The following ZBTB46 variants were observed in gnomAD, a reference collection of about 807,000 sequenced individuals.
ZBTB46 encodes the protein zinc finger and BTB domain containing 46.
Under a neutral mutation model 44.1 loss-of-function variants are expected in ZBTB46, and 8 were observed. That is an observed-to-expected ratio of 0.18 (90% CI 0.11 to 0.33). The LOEUF is 0.33. ZBTB46 is among the 10% of genes least tolerant of loss of function. ZBTB46 has a pLI of 1.00. For missense variants in ZBTB46, 651 were observed against 847.7 expected, an observed-to-expected ratio of 0.77 and a Z score of 2.88; for synonymous variants, 409 against 382.3, an observed-to-expected ratio of 1.07 and a Z score of -0.81.
intron 3 of ZBTB46, among the ~76,000 whole-genome samples, chr20:63,757,416 C>A (rs1454497053): frequency 1.3e-5 from 2 of 152,188 alleles, no homozygotes; most frequent in Non-Finnish European, 2.9e-5. Context: ...AGCCATCGCG[C>A]CTGGCCACGA....
At chr20:63,761,512 G>A (rs1031950957) in intron 3 of ZBTB46, among the ~76,000 whole-genome samples, 3 of 151,968 alleles carry the variant, frequency 2.0e-5, no homozygotes, top group African/African-American at 4.8e-5. Flanking sequence ...GGCCAGGCAC[G>A]GTGGCTCACA....
chr20:63,777,877 G>A (rs541517773), intron 2 of ZBTB46, among the ~76,000 whole-genome samples: 3 of 152,258 alleles, frequency 2.0e-5, no homozygotes, highest in South Asian at 2.1e-4. Flanking sequence ...CTCAGCGGAC[G>A]AAGCCAGACA....
At position 63,775,900 on chromosome 20, in the gene ZBTB46, A is replaced by G. The variant is rs947472404; in HGVS notation, c.1000T>C (p.Tyr334His). Residue 334 changes from tyrosine to histidine, a missense_variant, in exon 3 of 5, where the codon TAT becomes CAT. By Grantham distance (83) the Tyr-to-His change is moderately conservative. This residue lies in a region of ZBTB46 where 385 missense variants were observed against 423.3 expected (regional missense o/e 0.91). Transcript: ENST00000245663. ...AGGAGACCCTCCTCCACCTGTGCATAGAGCTCGGCCCTCTCTCCTCGGCTG... is the reference window on the plus strand; with the variant it reads ...AGGAGACCCTCCTCCACCTGTGCATGGAGCTCGGCCCTCTCTCCTCGGCTG... Reference protein sequence around the residue: ...SDSRGERAELYAQVEEGLLGG... With the variant: ...SDSRGERAELHAQVEEGLLGG... 6.2e-7 allele frequency: 1 copy of G among 1,608,918 alleles called. No homozygotes were observed. The highest frequency in any genetic ancestry group is 8.5e-7 in the Non-Finnish European group (1 of 1,178,526).
intron 1 of ZBTB46, among the ~76,000 whole-genome samples, chr20:63,810,988 C>T (rs2092714470): frequency 1.3e-5 from 2 of 152,364 alleles, no homozygotes; most frequent in South Asian, 4.1e-4. Context: ...GCTCCAGCGG[C>T]AGAGCCGGAG....
intron 1 of ZBTB46, among the ~76,000 whole-genome samples, chr20:63,817,760 C>T (rs1357950093): frequency 6.6e-6 from 1 of 151,448 alleles, no homozygotes; most frequent in African/African-American, 2.4e-5. Context: ...AGGAAAAAAC[C>T]TGGACACCCG....
At chr20:63,796,619 A>C (rs1292206121) in intron 1 of ZBTB46, among the ~76,000 whole-genome samples, 1 of 152,218 alleles carries the variant, frequency 6.6e-6, no homozygotes, top group Admixed American at 6.5e-5. Flanking sequence ...TGAGGTCAGG[A>C]GTTCAAGACC....
At chr20:63,826,518 C>A (rs1020777056) in intron 1 of ZBTB46, among the ~76,000 whole-genome samples, 1 of 150,680 alleles carries the variant, frequency 6.6e-6, no homozygotes, top group Non-Finnish European at 1.5e-5. Context: ...GTCAGGAGAT[C>A]GAGACCATCC....
intron 3 of ZBTB46, among the ~76,000 whole-genome samples, chr20:63,771,407 G>T (rs906023414): frequency 6.6e-6 from 1 of 152,178 alleles, no homozygotes; most frequent in Non-Finnish European, 1.5e-5. Context: ...AGAGAGGGGG[G>T]CCACGCGGTC....
intron 1 of ZBTB46, among the ~76,000 whole-genome samples, chr20:63,827,610 G>A (rs565109714): frequency 6.6e-4 from 85 of 129,088 alleles, no homozygotes; most frequent in African/African-American, 2.3e-3. Flanking sequence ...GCGAGACTCC[G>A]TCTCAAAAAA....
chr20:63,750,926 C>G (rs1206704380), intron 4 of ZBTB46, among the ~76,000 whole-genome samples: 5 of 152,016 alleles, frequency 3.3e-5, no homozygotes, highest in Non-Finnish European at 7.4e-5. Context: ...AAAACAAACC[C>G]TAACCCTATC....
upstream of ZBTB46, chr20:63,831,391 GCGGCCA>G (rs1192855748): frequency 7.0e-6 from 1 of 141,908 alleles, no homozygotes; most frequent in East Asian, 2.1e-4. Flanking sequence ...CGCCCCGGCC[GCGGCCA>G]CCGCCCCGGG....
rs1015335883 is a variant in ZBTB46, at chr20:63,746,681, C to T, written c.*249G>A. 33 of 524,800 alleles carry T rather than the reference C, an allele frequency of 6.3e-5. No homozygotes were observed. Among genetic ancestry groups the T allele is most frequent in the Non-Finnish European group, 1.0e-4 (32 of 315,140 alleles). 32.5% of individuals were successfully genotyped at this position (524,800 alleles called of 1,614,324 possible). The stretch of plus-strand genomic sequence containing the variant: ...CCTGCTGGGGACTTAGGACCGTGCT[C>T]TCCCTTCACTCAAACCCACCCTGTG... On this transcript the variant is annotated 3_prime_UTR_variant, in exon 5 of 5. Coordinates refer to ENST00000245663, the MANE Select transcript of ZBTB46 (RefSeq NM_001369741.1).
chr20:63,809,006 G>GAAAAA (rs1203809736), intron 1 of ZBTB46, among the ~76,000 whole-genome samples: 2 of 122,616 alleles, frequency 1.6e-5, no homozygotes, highest in African/African-American at 6.1e-5. Context: ...AAAAGAAAAA[G>GAAAAA]AAAAAAAAAA....
intron 1 of ZBTB46, among the ~76,000 whole-genome samples, chr20:63,796,066 C>G (rs1462957247): frequency 6.6e-6 from 1 of 152,224 alleles, no homozygotes; most frequent in Non-Finnish European, 1.5e-5. Flanking sequence ...TCGCAGGACG[C>G]AGACCAAGGA....
At chr20:63,808,994 A>AAAAAAG (rs1568895105) in intron 1 of ZBTB46, among the ~76,000 whole-genome samples, 28 of 144,360 alleles carry the variant, frequency 1.9e-4, no homozygotes, top group African/African-American at 4.9e-4. Context: ...AAAAAAAAAA[A>AAAAAAG]AAAAAGAAAA....
intron 3 of ZBTB46, among the ~76,000 whole-genome samples, chr20:63,768,380 C>T (rs1217714605): frequency 6.6e-6 from 1 of 152,204 alleles, no homozygotes; most frequent in East Asian, 1.9e-4. Context: ...CACCTGAGGT[C>T]AGGAGTTCAA....
At chr20:63,789,795 G>GC (rs778947536) in intron 2 of ZBTB46, 26 bp downstream of exon 2, 3 of 1,582,918 alleles carry the variant, frequency 1.9e-6, no homozygotes, top group South Asian at 1.1e-5. Context: ...GGGCAGCTGA[G>GC]CCCCCGTAAC....
At chr20:63,784,791 A>G (rs563303707) in intron 2 of ZBTB46, among the ~76,000 whole-genome samples, 2 of 152,256 alleles carry the variant, frequency 1.3e-5, no homozygotes, top group Non-Finnish European at 2.9e-5. Context: ...GAAGCTGCTC[A>G]GTTAGAATGA....
chr20:63,775,649 G>C, intron 3 of ZBTB46, 29 bp downstream of exon 3: 4 of 1,528,140 alleles, frequency 2.6e-6, no homozygotes, highest in Non-Finnish European at 3.5e-6. Context: ...CCACACCAAA[G>C]CCAAGCGGCC....
Sources: gnomAD v4.1 joint callset for allele counts (sites outside exome capture counted in the v4.1 genomes callset) on GRCh38, gnomAD v4.1.1 for gene constraint, gnomAD v4.1.1 regional missense constraint, MANE v1.5 for transcripts, NCBI Gene and HGNC (gene_info 2026-07-23, HGNC 2026-07-21) for gene names.